EDC3: variants seen among roughly 807,000 people sequenced by gnomAD.
The protein encoded by EDC3 is enhancer of mRNA decapping 3.
A neutral mutation model predicts 41.8 loss-of-function variants in EDC3; 20 were observed. The observed-to-expected ratio is 0.48, with a 90% CI of 0.34 to 0.70. The LOEUF (loss-of-function observed/expected upper bound fraction) is 0.70. Among genes scored for constraint, EDC3 ranks in the 30% least tolerant of loss-of-function variants. The probability of loss-of-function intolerance (pLI) is 0.01; values close to 1 mark genes in which losing one functional copy is unlikely to be tolerated. For missense variants in EDC3, 444 were observed against 636.8 expected (o/e 0.70, Z 3.26); for synonymous variants, 206 against 243.2 (o/e 0.85, Z 1.42).
Position 74,632,878 on chromosome 15 carries a change from C to G in EDC3, c.1261G>C (p.Asp421His). The part of the protein sequence containing the change: ...LDCPENVFLR[D>H]QPWYKAAVAW... ...ACAGCTGCCTTGTACCAGGGTTGAT[C>G]GCGCAGGAAGACGTTCTCAGGGCAA... The change falls in exon 7 of 7, where the codon GAT becomes CAT. Residue 421 changes from aspartate (D) to histidine (H), a missense_variant. By Grantham distance (81) the Asp-to-His change is moderately conservative. This residue lies in a region of EDC3 where 242 missense variants were observed against 363.8 expected (regional missense o/e 0.67). Coordinates refer to ENST00000315127, the MANE Select transcript of EDC3 (RefSeq NM_025083.5). The surrounding 1 kb of genome is among the most constrained non-coding windows in gnomAD (Gnocchi z 4.0). 1 of 1,614,218 alleles carries G rather than the reference C, an allele frequency of 6.2e-7. No individual in the cohort carries two copies.
Position 74,632,077 on chromosome 15 carries a change from C to T in EDC3, c.*535G>A, listed in dbSNP as rs1393428203. On this transcript the variant is annotated 3_prime_UTR_variant, in exon 7 of 7. Transcript: ENST00000315127. The surrounding 1 kb of genome is among the most constrained non-coding windows in gnomAD (Gnocchi z 4.0). ...AAACCCCCCAAATCAACTTGTGGGG[C>T]TAGGGGAAGGCCTGGTCTGTCACAG... The T allele has an allele frequency of 6.2e-6, 1 of 160,406 alleles. No individual in the cohort carries two copies. The highest frequency in any genetic ancestry group is 1.4e-5 in the Non-Finnish European group (1 of 72,212). 9.9% of individuals were successfully genotyped at this position (160,406 alleles called of 1,614,324 possible).
At chr15:74,648,449 C>T (rs2062442087) in intron 4 of EDC3, among the ~76,000 whole-genome samples, 1 of 152,178 alleles carries the variant, frequency 6.6e-6, no homozygotes, top group South Asian at 2.1e-4. Context: ...TACATCCCCA[C>T]CAAGGCTCAA....
intron 3 of EDC3, among the ~76,000 whole-genome samples, chr15:74,656,996 C>T (rs990245839): frequency 7.9e-5 from 12 of 152,332 alleles, no homozygotes; most frequent in African/African-American, 2.6e-4. Flanking sequence ...AGCTCCCCTT[C>T]CCACATAAAT....
At chr15:74,649,896 C>T (rs2062461679) in intron 4 of EDC3, among the ~76,000 whole-genome samples, 1 of 151,988 alleles carries the variant, frequency 6.6e-6, no homozygotes, top group Non-Finnish European at 1.5e-5. Flanking sequence ...AGGCTTGGCC[C>T]ACTATAAATT....
At chr15:74,678,810 A>T (rs1017954529) in intron 1 of EDC3, among the ~76,000 whole-genome samples, 1 of 151,734 alleles carries the variant, frequency 6.6e-6, no homozygotes, top group Non-Finnish European at 1.5e-5. Flanking sequence ...GAATCGCTTG[A>T]AATGGGGAGG....
chr15:74,690,865 C>A (rs1398364573), intron 1 of EDC3, among the ~76,000 whole-genome samples: 1 of 152,058 alleles, frequency 6.6e-6, no homozygotes, highest in Non-Finnish European at 1.5e-5. Flanking sequence ...TAAAAGGCAG[C>A]ACGGTGAAAA....
chr15:74,669,611 C>T (rs2141645522), intron 3 of EDC3, among the ~76,000 whole-genome samples: 1 of 152,266 alleles, frequency 6.6e-6, no homozygotes, highest in South Asian at 2.1e-4. Context: ...TGTCACACCA[C>T]AAGCTACTAA....
At chr15:74,684,084 GTTTTT>G (rs58548595) in intron 1 of EDC3, among the ~76,000 whole-genome samples, 1 of 103,050 alleles carries the variant, frequency 9.7e-6, no homozygotes. Flanking sequence ...TTTTGTTTCT[GTTTTT>G]TTTTTTTTTT....
chr15:74,670,551 T>G (rs946630072), intron 3 of EDC3, among the ~76,000 whole-genome samples: 1 of 152,136 alleles, frequency 6.6e-6, no homozygotes, highest in Non-Finnish European at 1.5e-5. Context: ...TGCCTCAGCC[T>G]CCAAAGTAGC....
intron 1 of EDC3, among the ~76,000 whole-genome samples, chr15:74,678,892 A>G (rs2062837531): frequency 2.8e-5 from 2 of 70,756 alleles, no homozygotes; most frequent in South Asian, 1.1e-3. Context: ...TCCGTCTCAG[A>G]AAAAAAAAAA....
chr15:74,641,875 A>T (rs570034788), intron 4 of EDC3: 3 of 152,866 alleles, frequency 2.0e-5, no homozygotes, highest in South Asian at 4.1e-4. Context: ...CATATAAATG[A>T]TGCAAACCTA....
At chr15:74,670,356 T>C (rs1339573344) in intron 3 of EDC3, among the ~76,000 whole-genome samples, 1 of 152,150 alleles carries the variant, frequency 6.6e-6, no homozygotes, top group Non-Finnish European at 1.5e-5. Context: ...AGAAGAACAG[T>C]TCTAGTGAAT....
chr15:74,652,439 AG>A (rs901385184), intron 4 of EDC3, among the ~76,000 whole-genome samples: 3 of 152,022 alleles, frequency 2.0e-5, no homozygotes, highest in Admixed American at 6.5e-5. Context: ...CGTGTTAGCC[AG>A]GATGGTCTCC....
chr15:74,693,356 G>A (rs1335627510), intron 1 of EDC3, among the ~76,000 whole-genome samples: 2 of 152,086 alleles, frequency 1.3e-5, no homozygotes, highest in East Asian at 1.9e-4. Context: ...GGACCCAAGC[G>A]CAATTTCTCA....
At chr15:74,694,756 A>T (rs769187222) in intron 1 of EDC3, among the ~76,000 whole-genome samples, 5 of 152,162 alleles carry the variant, frequency 3.3e-5, no homozygotes, top group African/African-American at 4.8e-5. Flanking sequence ...CTGAGTGTGC[A>T]GGGGCACAAT....
At chr15:74,683,842 A>C (rs2062903128) in intron 1 of EDC3, among the ~76,000 whole-genome samples, 2 of 152,178 alleles carry the variant, frequency 1.3e-5, no homozygotes, top group Admixed American at 6.5e-5. Flanking sequence ...CACTATATTT[A>C]AAAAGGGGAG....
At chr15:74,692,009 C>T (rs770911438) in intron 1 of EDC3, among the ~76,000 whole-genome samples, 26 of 152,068 alleles carry the variant, frequency 1.7e-4, no homozygotes, top group Non-Finnish European at 3.7e-4. Flanking sequence ...TTAGTAGAGG[C>T]GGGGTTTCAC....
intron 1 of EDC3, among the ~76,000 whole-genome samples, chr15:74,694,563 C>T (rs1031286863): frequency 1.6e-4 from 25 of 152,248 alleles, no homozygotes; most frequent in Non-Finnish European, 2.8e-4. Flanking sequence ...GCCTCAGCAT[C>T]CCAAAGTGCT....
chr15:74,646,919 T>C (rs1338672265), intron 4 of EDC3, among the ~76,000 whole-genome samples: 2 of 151,376 alleles, frequency 1.3e-5, no homozygotes, highest in Non-Finnish European at 2.9e-5. Flanking sequence ...CTACTGAGGA[T>C]AAAGAAAAAT....
Sources: gnomAD v4.1 joint callset for allele counts (sites outside exome capture counted in the v4.1 genomes callset) on GRCh38, gnomAD v4.1.1 for gene constraint, gnomAD v4.1.1 regional missense constraint, Gnocchi (gnomAD v3.1) non-coding constraint, MANE v1.5 for transcripts, NCBI Gene and HGNC (gene_info 2026-07-23, HGNC 2026-07-21) for gene names.